Variants in TMEM38B observed in about 807,000 individuals in gnomAD.
TMEM38B encodes trimeric intracellular cation channel type B.
TMEM38B carries 24 observed loss-of-function variants against 28.7 expected under a neutral mutation model. The observed-to-expected ratio is 0.84, with a 90% CI of 0.61 to 1.18. The LOEUF (loss-of-function observed/expected upper bound fraction) is 1.18. TMEM38B is among the 50% of genes most tolerant of loss of function. The pLI is 0.00. For synonymous variants in TMEM38B, 131 were observed against 127.7 expected (o/e 1.03, Z -0.17); for missense variants, 380 against 350.9 (o/e 1.08, Z -0.66).
chr9:105,744,955 T>C (rs1300422907), intron 4 of TMEM38B, among the ~76,000 whole-genome samples: 1 of 152,228 alleles, frequency 6.6e-6, no homozygotes, highest in East Asian at 1.9e-4. Flanking sequence ...CCATGGTGTA[T>C]ATGTGCCACA....
Position 105,719,280 on chromosome 9 carries a change from G to T in TMEM38B, c.270-2257G>T, listed in dbSNP as rs142062872. ...ACTTAACCTATAGTTAAATGTATGAGAAGTCAGTTGTTTTCTCATTCCACT... is the reference window on the plus strand; with the variant it reads ...ACTTAACCTATAGTTAAATGTATGATAAGTCAGTTGTTTTCTCATTCCACT... On this transcript the variant is annotated intron_variant, in intron 2 of 5. Transcript: ENST00000374692. Among the ~76,000 whole-genome samples the T allele has an allele frequency of 7.9e-3, 1,205 of 152,228 alleles. 9 individuals carry two copies. Among genetic ancestry groups the T allele is most frequent in the African/African-American group, 0.027 (1,124 of 41,546 alleles).
At chr9:105,743,012 T>G (rs1837260172) in intron 4 of TMEM38B, among the ~76,000 whole-genome samples, 1 of 152,132 alleles carries the variant, frequency 6.6e-6, no homozygotes, top group Non-Finnish European at 1.5e-5. Context: ...GCGGTGCATT[T>G]GGTGGTCCCG....
intron 4 of TMEM38B, among the ~76,000 whole-genome samples, chr9:105,736,837 T>C (rs961343896): frequency 1.3e-5 from 2 of 152,204 alleles, no homozygotes; most frequent in African/African-American, 4.8e-5. Flanking sequence ...ACTGGTGTAG[T>C]TTCTGTGCAG....
intron 5 of TMEM38B, among the ~76,000 whole-genome samples, chr9:105,748,395 A>T (rs1837513522): frequency 6.6e-6 from 1 of 151,392 alleles, no homozygotes. Context: ...TGCTAGGGCT[A>T]TCAGGACACA....
intron 2 of TMEM38B, 43 bp from the exon 3 acceptor site, chr9:105,721,494 C>T: frequency 7.4e-7 from 1 of 1,358,768 alleles, no homozygotes; most frequent in South Asian, 1.7e-5. Flanking sequence ...TTCTGTTCTT[C>T]TGATTCCATT....
chr9:105,725,495 A>G (rs772339904), intron 4 of TMEM38B, among the ~76,000 whole-genome samples: 77 of 151,454 alleles, frequency 5.1e-4, no homozygotes, highest in African/African-American at 1.7e-3. Flanking sequence ...AACGATGGGG[A>G]TATGTTCTCA....
intron 5 of TMEM38B, chr9:105,749,216 C>T (rs1478002960): frequency 2.6e-6 from 2 of 756,630 alleles, no homozygotes; most frequent in Non-Finnish European, 3.8e-6. Flanking sequence ...GATATATTTT[C>T]CATACTGTGT....
At chr9:105,735,346 T>C (rs2133598275) in intron 4 of TMEM38B, among the ~76,000 whole-genome samples, 1 of 152,204 alleles carries the variant, frequency 6.6e-6, no homozygotes, top group African/African-American at 2.4e-5. Flanking sequence ...AGCACTGGGG[T>C]ATTTTGAGTT....
chr9:105,737,290 A>G (rs1049446308), intron 4 of TMEM38B, among the ~76,000 whole-genome samples: 11 of 152,124 alleles, frequency 7.2e-5, no homozygotes, highest in African/African-American at 2.7e-4. Context: ...AGGGCACAGA[A>G]CTGGCATAGC....
At chr9:105,753,822 C>T (rs2133627776) in intron 5 of TMEM38B, among the ~76,000 whole-genome samples, 1 of 152,268 alleles carries the variant, frequency 6.6e-6, no homozygotes, top group Non-Finnish European at 1.5e-5. Context: ...ACAATACTAA[C>T]CTTAAATATA....
At chr9:105,738,612 A>G (rs910782271) in intron 4 of TMEM38B, among the ~76,000 whole-genome samples, 1 of 152,080 alleles carries the variant, frequency 6.6e-6, no homozygotes, top group African/African-American at 2.4e-5. Context: ...TTTGATGTCA[A>G]GAAGAATCCA....
At chr9:105,707,954 G>C (rs1013247015) in intron 2 of TMEM38B, among the ~76,000 whole-genome samples, 3 of 152,092 alleles carry the variant, frequency 2.0e-5, no homozygotes, top group African/African-American at 7.2e-5. Flanking sequence ...AGAATTTTTT[G>C]ATGTGTATAG....
At chr9:105,766,255 C>T (rs1207061775) in intron 5 of TMEM38B, among the ~76,000 whole-genome samples, 2 of 152,148 alleles carry the variant, frequency 1.3e-5, no homozygotes, top group Non-Finnish European at 2.9e-5. Flanking sequence ...TCTGATTGTC[C>T]TAGATCCTTG....
At chr9:105,704,895 GC>G (rs1318047785) in intron 1 of TMEM38B, among the ~76,000 whole-genome samples, 1 of 151,678 alleles carries the variant, frequency 6.6e-6, no homozygotes, top group Non-Finnish European at 1.5e-5. Context: ...CTGCACTCCA[GC>G]CTGGGGAACA....
chr9:105,735,373 T>G (rs2136408), intron 4 of TMEM38B, among the ~76,000 whole-genome samples: 35,298 of 152,090 alleles, frequency 0.23, 6,701 homozygotes, highest in African/African-American at 0.5. Context: ...TGAAGTTACT[T>G]CTAGTGGTGA....
chr9:105,712,817 C>T (rs1325878844), intron 2 of TMEM38B, among the ~76,000 whole-genome samples: 3 of 152,232 alleles, frequency 2.0e-5, no homozygotes, highest in Admixed American at 2.0e-4. Flanking sequence ...CCACACCCCC[C>T]ACAGCCCACC....
intron 2 of TMEM38B, chr9:105,710,848 A>C (rs1245497073): frequency 5.4e-6 from 2 of 367,452 alleles, no homozygotes; most frequent in African/African-American, 2.1e-5. Context: ...CTGGCTGCCA[A>C]GCCTCAGACA....
rs1000605721 is a variant in TMEM38B at position 105,740,757 on chromosome 9, G to A, written c.543-7316G>A. Reference sequence around the variant, plus strand: ...CTTCTCCACCTCCAAGTTTTAAGAAGTAAAATATACGTATTGTGGAAAATT... The same window carrying A: ...CTTCTCCACCTCCAAGTTTTAAGAAATAAAATATACGTATTGTGGAAAATT... On this transcript the variant is annotated intron_variant, in intron 4 of 5. Coordinates refer to ENST00000374692, the MANE Select transcript of TMEM38B (RefSeq NM_018112.3). Among the ~76,000 whole-genome samples the A allele has an allele frequency of 2.0e-5, 3 of 152,190 alleles. No individual in the cohort carries two copies. The East Asian group carries it at 5.8e-4, about 29-fold the overall frequency.
intron 1 of TMEM38B, among the ~76,000 whole-genome samples, chr9:105,703,425 A>G (rs991617313): frequency 2.0e-5 from 3 of 152,196 alleles, no homozygotes; most frequent in Middle Eastern, 6.8e-3. Context: ...TATGTGCCAC[A>G]TTTTCTTAAT....
Sources: gnomAD v4.1 joint callset for allele counts (sites outside exome capture counted in the v4.1 genomes callset) on GRCh38, gnomAD v4.1.1 for gene constraint, MANE v1.5 for transcripts, NCBI Gene and HGNC (gene_info 2026-07-23, HGNC 2026-07-21) for gene names.